USP28: variants seen among roughly 807,000 people sequenced by gnomAD.
The protein encoded by USP28 is ubiquitin specific peptidase 28.
Under a neutral mutation model 145.0 loss-of-function variants are expected in USP28, and 113 were observed. The ratio of observed to expected loss-of-function variants is 0.78; its 90% CI spans 0.67 to 0.91. USP28 has a LOEUF of 0.91. Among genes scored for constraint, USP28 ranks in the 40% least tolerant of loss-of-function variants. The pLI, the probability that USP28 is intolerant of heterozygous loss-of-function variation, is 0.00. For synonymous variants in USP28, 447 were observed against 450.9 expected, an observed-to-expected ratio of 0.99 and a Z score of 0.11; for missense variants, 1,201 against 1,289.6, an observed-to-expected ratio of 0.93 and a Z score of 1.05.
chr11:113,843,312 A>C (rs1683834940), intron 3 of USP28, among the ~76,000 whole-genome samples: 1 of 152,116 alleles, frequency 6.6e-6, no homozygotes, highest in Non-Finnish European at 1.5e-5. Context: ...GGAAACCCAA[A>C]ATAATCCACA....
At chr11:113,833,238 C>G (rs1944210476) in intron 7 of USP28, among the ~76,000 whole-genome samples, 182 bp downstream of exon 7, 1 of 152,198 alleles carries the variant, frequency 6.6e-6, no homozygotes, top group Non-Finnish European at 1.5e-5. Flanking sequence ...CACGCACACT[C>G]TCTCACACAC....
intron 3 of USP28, among the ~76,000 whole-genome samples, chr11:113,849,310 G>A (rs550904765): frequency 6.6e-6 from 1 of 152,318 alleles, no homozygotes. Flanking sequence ...GAGCTGCTTG[G>A]TTTGCAGATG....
At chr11:113,806,199 A>C (rs1228810401) in intron 19 of USP28, among the ~76,000 whole-genome samples, 1 of 152,136 alleles carries the variant, frequency 6.6e-6, no homozygotes, top group Non-Finnish European at 1.5e-5. Flanking sequence ...TGGGCCTCCC[A>C]AAGTGCTAAA....
intron 12 of USP28, 113 bp from the exon 13 acceptor site, chr11:113,817,950 G>A: frequency 8.8e-7 from 1 of 1,138,684 alleles, no homozygotes; most frequent in South Asian, 1.6e-5. Context: ...TATTCCTAGA[G>A]GCTATACAAT....
intron 1 of USP28, among the ~76,000 whole-genome samples, chr11:113,871,564 T>C (rs960473122): frequency 1.3e-5 from 2 of 152,134 alleles, no homozygotes; most frequent in African/African-American, 2.4e-5. Flanking sequence ...CATTGCCAAA[T>C]GCTTCCTAGA....
chr11:113,815,205 T>C lies in USP28; in HGVS notation c.1641A>G (p.Arg547=), dbSNP rs375214939. 7 of 1,614,040 alleles carry C rather than the reference T, an allele frequency of 4.3e-6. No individual in the cohort carries two copies. In the African/African-American group the frequency reaches 9.3e-5, roughly 22 times the overall value. ...TATCTTGTTCAATCTCACTCCTCCA[T>C]CTCTGAAGACAGGTCTTAACAAAAT... The change falls in exon 14 of 25, where the codon AGA becomes AGG. Residue 547 remains arginine (R), a synonymous_variant. Transcript: ENST00000003302.
At chr11:113,804,012 T>C in intron 21 of USP28, 135 bp from the exon 23 acceptor site, 1 of 715,252 alleles carries the variant, frequency 1.4e-6, no homozygotes, top group South Asian at 2.1e-5. Flanking sequence ...ACAAAAGCTT[T>C]CAGATAAAAA....
rs746746382 is a variant in USP28 at position 113,833,407 on chromosome 11, G to A, written c.759+13C>T. On this transcript the variant is annotated intron_variant, in intron 7 of 24. Coordinates refer to ENST00000003302, the Ensembl canonical transcript of USP28. ...GCATGACTTCAAACTCAAGAACAAG[G>A]CTTCTTTTGTACCTGCTGTTCCTCA... The A allele has an allele frequency of 5.6e-6, 9 of 1,607,278 alleles. No individual in the cohort carries two copies. The highest frequency in any genetic ancestry group is 1.4e-5 in the African/African-American group (1 of 72,788).
intron 1 of USP28, among the ~76,000 whole-genome samples, chr11:113,868,925 CAAAA>C (rs58107096): frequency 2.6e-5 from 2 of 77,852 alleles, no homozygotes; most frequent in Admixed American, 1.5e-4. Context: ...GACCATGTCT[CAAAA>C]AAAAAAAAAA....
At chr11:113,863,080 T>C (rs1035412653) in intron 1 of USP28, among the ~76,000 whole-genome samples, 2 of 152,056 alleles carry the variant, frequency 1.3e-5, no homozygotes, top group African/African-American at 4.8e-5. Flanking sequence ...ACCTAAATTA[T>C]AAAGTATAAA....
chr11:113,847,047 A>G (rs939771376), intron 3 of USP28, among the ~76,000 whole-genome samples: 3 of 152,190 alleles, frequency 2.0e-5, no homozygotes, highest in Non-Finnish European at 4.4e-5. Flanking sequence ...TATTCCAATT[A>G]CCATAATTAT....
chr11:113,799,488 T>C (rs1285319230), intron 24 of USP28, 73 bp from the exon 26 acceptor site: 24 of 1,511,642 alleles, frequency 1.6e-5, no homozygotes, highest in Non-Finnish European at 2.1e-5. Context: ...AGCCTTCTAT[T>C]AGCCCCTTAC....
chr11:113,854,353 A>G lies in USP28; in HGVS notation c.58-18T>C. 1 of 1,607,938 alleles carries G rather than the reference A, an allele frequency of 6.2e-7. No individual in the cohort carries two copies. The highest frequency in any genetic ancestry group is 8.5e-7 in the Non-Finnish European group (1 of 1,175,972). On this transcript the variant is annotated intron_variant, in intron 1 of 24. Coordinates refer to ENST00000003302, the Ensembl canonical transcript of USP28. Reference sequence around the variant, plus strand: ...TGGCAGCTCTATATTTGCAAAACAAAAAAACCACAAACATGTCAGTCAGAA... The same window carrying G: ...TGGCAGCTCTATATTTGCAAAACAAGAAAACCACAAACATGTCAGTCAGAA...
At chr11:113,803,593 C>T (rs1439758277) in intron 22 of USP28, among the ~76,000 whole-genome samples, 1 of 152,128 alleles carries the variant, frequency 6.6e-6, no homozygotes, top group Non-Finnish European at 1.5e-5. Context: ...AATATTATCT[C>T]GCAGCTAATA....
intron 1 of USP28, among the ~76,000 whole-genome samples, chr11:113,860,266 T>C (rs576678139): frequency 1.5e-3 from 224 of 152,198 alleles, no homozygotes; most frequent in African/African-American, 5.2e-3. Flanking sequence ...GATGCACATA[T>C]TTCCTGATAT....
chr11:113,852,192 C>T (rs1202040006), intron 3 of USP28, among the ~76,000 whole-genome samples: 1 of 152,122 alleles, frequency 6.6e-6, no homozygotes, highest in Non-Finnish European at 1.5e-5. Context: ...CCACACCCAG[C>T]TAATTTTTTG....
At chr11:113,871,323 G>A (rs1948789108) in intron 1 of USP28, among the ~76,000 whole-genome samples, 1 of 152,186 alleles carries the variant, frequency 6.6e-6, no homozygotes, top group African/African-American at 2.4e-5. Context: ...GACAGTGAAG[G>A]TGTCTGGGGG....
intron 16 of USP28, among the ~76,000 whole-genome samples, chr11:113,810,863 C>T (rs1293816845): frequency 2.0e-5 from 3 of 152,158 alleles, no homozygotes; most frequent in Admixed American, 1.3e-4. Context: ...TTAGTAGACA[C>T]AGGGTTTTAC....
exon 17 of USP28, chr11:113,809,160 C>T: frequency 6.2e-7 from 1 of 1,614,210 alleles, no homozygotes; most frequent in Non-Finnish European, 8.5e-7. Flanking sequence ...CTACTTCCTG[C>T]TCAAACCGCC....
Sources: gnomAD v4.1 joint callset for allele counts (sites outside exome capture counted in the v4.1 genomes callset) on GRCh38, gnomAD v4.1.1 for gene constraint, MANE v1.5 for transcripts, NCBI Gene and HGNC (gene_info 2026-07-23, HGNC 2026-07-21) for gene names.